Variants in KCNK12 observed in about 807,000 individuals in gnomAD.
The protein encoded by KCNK12 is potassium channel subfamily K member 12.
In KCNK12, 6 loss-of-function variants were observed where a neutral mutation model predicts 25.3. The ratio of observed to expected loss-of-function variants is 0.24; its 90% CI spans 0.13 to 0.47. The LOEUF (loss-of-function observed/expected upper bound fraction) is 0.47, where lower values mean the gene tolerates loss of function less well. KCNK12 is among the 20% of genes least tolerant of loss of function. The probability of loss-of-function intolerance (pLI) is 0.99; values close to 1 mark genes in which losing one functional copy is unlikely to be tolerated. For missense variants in KCNK12, 444 were observed against 661.7 expected (o/e 0.67, Z 3.61); for synonymous variants, 331 against 311.1 (o/e 1.06, Z -0.67).
In KCNK12 at chr2:47,528,817, C is replaced by CA. The variant is rs1391825331; in HGVS notation, c.392-7010_392-7009insT. The stretch of plus-strand genomic sequence containing the variant: ...TGGTGATGGGGCCTTCGGAGTTCAG[C>CA]TCAGAGAGCATGGAAGTGAGATGGA... On this transcript the variant is annotated intron_variant, in intron 1 of 1. Transcript: ENST00000327876. This position sits in a 1 kb window ranked among gnomAD's most constrained non-coding sequence, Gnocchi z 4.5. Among the ~76,000 whole-genome samples the CA allele has an allele frequency of 2.6e-5, 4 of 152,342 alleles. No individual in the cohort carries two copies. Among genetic ancestry groups the CA allele is most frequent in the African/African-American group, 9.6e-5 (4 of 41,578 alleles).
intron 1 of KCNK12, chr2:47,535,043 G>A: frequency 4.4e-6 from 1 of 228,946 alleles, no homozygotes; most frequent in East Asian, 6.2e-5. Context: ...TGCCCAGGCT[G>A]AGGGGGCACG....
At position 47,521,004 on chromosome 2, in the gene KCNK12, C is replaced by T; in HGVS notation, c.1196G>A (p.Ser399Asn). The T allele has an allele frequency of 1.4e-6, 2 of 1,388,138 alleles. No individual in the cohort carries two copies. The highest frequency in any genetic ancestry group is 1.9e-6 in the Non-Finnish European group (2 of 1,068,052). The allele number at this position is 1,388,138 out of a possible 1,614,324, so 86.0% of individuals were successfully genotyped here. A position where few individuals can be genotyped will look rare whatever the true frequency, so the allele number is the denominator to read the frequency against. The change falls in exon 2 of 2, where the codon AGC becomes AAC. Residue 399 changes from serine to asparagine, a missense_variant. Ser to Asn is a conservative substitution (Grantham distance 46). Around this residue, in one of 8 missense-constraint regions of KCNK12, gnomAD observed 57 missense variants for 68.9 expected, o/e 0.83. Transcript: ENST00000327876. ...LSETANGYPR[S>N]VCVNTRQNGF... ...GTTCTGGCGCGTGTTGACGCACACGCTGCGCGGGTAGCCGTTGGCCGTCTC... is the reference window on the plus strand; with the variant it reads ...GTTCTGGCGCGTGTTGACGCACACGTTGCGCGGGTAGCCGTTGGCCGTCTC...
In KCNK12 at chr2:47,514,750, C is replaced by A. The variant is rs9784092; in HGVS notation, c.*6157G>T. Among the ~76,000 whole-genome samples, 73,532 of 151,682 alleles carry A rather than the reference C, an allele frequency of 0.48. 19,508 individuals carry two copies. The highest frequency in any genetic ancestry group is 0.69 in the African/African-American group (28,598 of 41,366). The stretch of plus-strand genomic sequence containing the variant: ...CTCAGCCCCCTGAGTCTCTTGGACT[C>A]CAGGCGTGCACCACCATGACTGGCT... On this transcript the variant is annotated 3_prime_UTR_variant, in exon 2 of 2. Coordinates refer to ENST00000327876, the MANE Select transcript of KCNK12 (RefSeq NM_022055.2). The surrounding 1 kb of genome is among the most constrained non-coding windows in gnomAD (Gnocchi z 5.0).
chr2:47,555,722 A>G lies in KCNK12; in HGVS notation c.391+14219T>C, dbSNP rs1210443214. On this transcript the variant is annotated intron_variant, in intron 1 of 1. Coordinates refer to ENST00000327876, the MANE Select transcript of KCNK12 (RefSeq NM_022055.2). The surrounding 1 kb of genome is among the most constrained non-coding windows in gnomAD (Gnocchi z 4.5). ...GGCTGAAAATAAGAAAATGTAGGGG[A>G]AAAGCTTTTCCTCTACAGGTGAGAG... 2.0e-5 allele frequency: 3 copies of G among 152,192 alleles called. No individual in the cohort carries two copies. Among genetic ancestry groups the G allele is most frequent in the African/African-American group, 7.2e-5 (3 of 41,442 alleles). 9.4% of individuals were successfully genotyped at this position (152,192 alleles called of 1,614,324 possible). A position where few individuals can be genotyped will look rare whatever the true frequency, so the allele number is the denominator to read the frequency against.
Position 47,570,346 on chromosome 2 carries a change from C to T in KCNK12, c.-15G>A. The T allele has an allele frequency of 1.6e-6, 2 of 1,234,118 alleles. No homozygotes were observed. The highest frequency in any genetic ancestry group is 2.0e-6 in the Non-Finnish European group (2 of 990,480). The allele number at this position is 1,234,118 out of a possible 1,614,324, so 76.4% of individuals were successfully genotyped here. On this transcript the variant is annotated 5_prime_UTR_variant, in exon 1 of 2. Coordinates refer to ENST00000327876, the MANE Select transcript of KCNK12 (RefSeq NM_022055.2). ...CGGGAGGACATGGTCCGGAGCTCAG[C>T]CCCGGGGCCGGGGCGGCGCTCGGGG...
At position 47,518,944 on chromosome 2, in the gene KCNK12, CG is replaced by C. The variant is rs1452081599; in HGVS notation, c.*1962del. On this transcript the variant is annotated 3_prime_UTR_variant, in exon 2 of 2. Transcript: ENST00000327876. The surrounding 1 kb of genome is among the most constrained non-coding windows in gnomAD (Gnocchi z 4.1). ...TCAGAGGGCCCTGCCCTAGAGAACA[CG>C]TGCGCCCCTGCGTGGGCAATCCCTT... 1 of 152,274 alleles carries C rather than the reference CG, an allele frequency of 6.6e-6. No individual in the cohort carries two copies. 9.4% of individuals were successfully genotyped at this position (152,274 alleles called of 1,614,324 possible).
At chr2:47,532,142 A>G (rs1668946498) in intron 1 of KCNK12, among the ~76,000 whole-genome samples, 1 of 152,080 alleles carries the variant, frequency 6.6e-6, no homozygotes, top group Non-Finnish European at 1.5e-5. Flanking sequence ...TTAGGGATAC[A>G]GCTTTAAACA....
intron 1 of KCNK12, chr2:47,564,040 T>C (rs991485269): frequency 1.7e-5 from 4 of 231,166 alleles, no homozygotes; most frequent in Non-Finnish European, 3.4e-5. Context: ...CTTTCTCCAC[T>C]CTCCCAGAAC....
rs1558563999 is a variant in KCNK12 at position 47,557,477 on chromosome 2, T to C, written c.391+12464A>G. Among the ~76,000 whole-genome samples the C allele has an allele frequency of 6.6e-6, 1 of 152,248 alleles. No individual in the cohort carries two copies. The highest frequency in any genetic ancestry group is 2.1e-4 in the South Asian group (1 of 4,808). Reference sequence around the variant, plus strand: ...TTACCCAGTCTGTGATATTCTGTTATGGAAGCAGAAAACAGACCAAGACAA... The same window carrying C: ...TTACCCAGTCTGTGATATTCTGTTACGGAAGCAGAAAACAGACCAAGACAA... On this transcript the variant is annotated intron_variant, in intron 1 of 1. Coordinates refer to ENST00000327876, the MANE Select transcript of KCNK12 (RefSeq NM_022055.2). This position sits in a 1 kb window ranked among gnomAD's most constrained non-coding sequence, Gnocchi z 4.9.
intron 1 of KCNK12, among the ~76,000 whole-genome samples, chr2:47,531,782 T>TAGG (rs1223129087): frequency 6.6e-6 from 1 of 152,170 alleles, no homozygotes; most frequent in East Asian, 1.9e-4. Context: ...AGGCAGCACA[T>TAGG]AGGCCACATC....
chr2:47,530,126 G>C (rs1353749350), intron 1 of KCNK12, among the ~76,000 whole-genome samples: 2 of 152,156 alleles, frequency 1.3e-5, no homozygotes, highest in Non-Finnish European at 2.9e-5. Context: ...ACAAGGCTGA[G>C]CCCTGCCCAG....
At chr2:47,527,281 G>T (rs1668802281) in intron 1 of KCNK12, among the ~76,000 whole-genome samples, 1 of 152,142 alleles carries the variant, frequency 6.6e-6, no homozygotes, top group South Asian at 2.1e-4. Flanking sequence ...GTCCTCTCTG[G>T]CCTCCTTTCT....
At chr2:47,559,356 T>G (rs1669616838) in intron 1 of KCNK12, among the ~76,000 whole-genome samples, 1 of 152,168 alleles carries the variant, frequency 6.6e-6, no homozygotes, top group African/African-American at 2.4e-5. Context: ...AGGGAGGCCC[T>G]GGGAGGTTCT....
chr2:47,563,567 T>A, intron 1 of KCNK12: 1 of 232,972 alleles, frequency 4.3e-6, no homozygotes, highest in Admixed American at 5.6e-5. Flanking sequence ...CAAGGGTAAA[T>A]TCACCCGCTT....
In KCNK12 at chr2:47,559,876, G is replaced by A. The variant is rs575338032; in HGVS notation, c.391+10065C>T. Among the ~76,000 whole-genome samples, 4 of 152,348 alleles carry A rather than the reference G, an allele frequency of 2.6e-5. No homozygotes were observed. The East Asian group carries it at 5.8e-4, about 22-fold the overall frequency. On this transcript the variant is annotated intron_variant, in intron 1 of 1. Coordinates refer to ENST00000327876, the MANE Select transcript of KCNK12 (RefSeq NM_022055.2). ...CTGATTTCACCTGGTAGAAAACAGG[G>A]AGGAAGGGAAGGGCATTCCAGGTGG...
rs1669134953 is a variant in KCNK12 at position 47,538,935 on chromosome 2, G to T, written c.392-17127C>A. ...GAAAAAGAAATATAATATTCAAGTA[G>T]ATTTCAAGCAACAGCAGATATGCTG... On this transcript the variant is annotated intron_variant, in intron 1 of 1. Coordinates refer to ENST00000327876, the MANE Select transcript of KCNK12 (RefSeq NM_022055.2). This position sits in a 1 kb window ranked among gnomAD's most constrained non-coding sequence, Gnocchi z 4.5. Among the ~76,000 whole-genome samples the T allele has an allele frequency of 6.6e-6, 1 of 152,206 alleles. No individual in the cohort carries two copies. The highest frequency in any genetic ancestry group is 6.5e-5 in the Admixed American group (1 of 15,282).
Position 47,548,332 on chromosome 2 carries a change from C to A in KCNK12, c.391+21609G>T, listed in dbSNP as rs1669356722. On this transcript the variant is annotated intron_variant, in intron 1 of 1. Coordinates refer to ENST00000327876, the MANE Select transcript of KCNK12 (RefSeq NM_022055.2). This position sits in a 1 kb window ranked among gnomAD's most constrained non-coding sequence, Gnocchi z 4.4. ...TCCCTTGAGTTCTAGACTGGCCTAT[C>A]CACTATCTAACTGGCACCCGGCTTG... Among the ~76,000 whole-genome samples the A allele has an allele frequency of 6.6e-6, 1 of 152,162 alleles. No homozygotes were observed. The highest frequency in any genetic ancestry group is 6.5e-5 in the Admixed American group (1 of 15,276).
rs1668467041 is a variant in KCNK12, at chr2:47,514,056, C to T, written c.*6851G>A. Among the ~76,000 whole-genome samples the T allele has an allele frequency of 6.6e-6, 1 of 152,160 alleles. No individual in the cohort carries two copies. The highest frequency in any genetic ancestry group is 2.1e-4 in the South Asian group (1 of 4,822). ...TTACAAGGCCCTTCGCTATCTGGCC[C>T]CCTCATTACCTCCCTTGCTCTGCAT... On this transcript the variant is annotated 3_prime_UTR_variant, in exon 2 of 2. Transcript: ENST00000327876. This position sits in a 1 kb window ranked among gnomAD's most constrained non-coding sequence, Gnocchi z 5.0.
chr2:47,560,383 A>G lies in KCNK12; in HGVS notation c.391+9558T>C, dbSNP rs1476222915. On this transcript the variant is annotated intron_variant, in intron 1 of 1. Coordinates refer to ENST00000327876, the MANE Select transcript of KCNK12 (RefSeq NM_022055.2). This position sits in a 1 kb window ranked among gnomAD's most constrained non-coding sequence, Gnocchi z 4.7. ...AGCCCTCGCTTTAGTGTAGCCACTG[A>G]CACTGCCAGAAGCACAGCACAGCCA... 2.0e-5 allele frequency among the ~76,000 whole-genome samples: 3 copies of G among 152,196 alleles called. No homozygotes were observed. Among genetic ancestry groups the G allele is most frequent in the Non-Finnish European group, 4.4e-5 (3 of 68,024 alleles).
Sources: gnomAD v4.1 joint callset for allele counts (sites outside exome capture counted in the v4.1 genomes callset) on GRCh38, gnomAD v4.1.1 for gene constraint, gnomAD v4.1.1 regional missense constraint, Gnocchi (gnomAD v3.1) non-coding constraint, MANE v1.5 for transcripts, NCBI Gene and HGNC (gene_info 2026-07-23, HGNC 2026-07-21) for gene names.